The following INSYN2B variants were observed in gnomAD, a reference collection of about 807,000 sequenced individuals.
The protein encoded by INSYN2B is inhibitory synaptic factor family member 2B.
Under a neutral mutation model 41.2 loss-of-function variants are expected in INSYN2B, and 16 were observed. The ratio of observed to expected loss-of-function variants is 0.39; its 90% confidence interval spans 0.26 to 0.59. The LOEUF (loss-of-function observed/expected upper bound fraction) is 0.59, where lower values mean the gene tolerates loss of function less well. Ranked by LOEUF, INSYN2B falls within the 20% of genes least tolerant of loss-of-function variation. The probability of loss-of-function intolerance (pLI) is 0.57; values close to 1 mark genes in which losing one functional copy is unlikely to be tolerated. For synonymous variants in INSYN2B, 245 were observed against 244.4 expected (o/e 1.00, Z -0.02); for missense variants, 608 against 646.4 (o/e 0.94, Z 0.64).
chr5:169,953,381 C>A (rs1221828495), intron 1 of INSYN2B, among the ~76,000 whole-genome samples: 2 of 150,358 alleles, frequency 1.3e-5, no homozygotes, highest in Admixed American at 6.6e-5. Context: ...TAGAATAAGA[C>A]TGGAGTGTGA....
At chr5:169,906,241 C>T (rs1242773191) in intron 1 of INSYN2B, among the ~76,000 whole-genome samples, 4 of 152,124 alleles carry the variant, frequency 2.6e-5, no homozygotes, top group Non-Finnish European at 5.9e-5. Flanking sequence ...GCTTTACTGT[C>T]AGCTAAGAGA....
intron 1 of INSYN2B, among the ~76,000 whole-genome samples, chr5:169,902,033 A>G (rs1262438247): frequency 2.0e-5 from 3 of 152,186 alleles, no homozygotes; most frequent in Non-Finnish European, 4.4e-5. Flanking sequence ...CAATCAGTCA[A>G]ACGGTTTGTT....
chr5:169,933,733 C>T (rs987209051), intron 1 of INSYN2B, among the ~76,000 whole-genome samples: 2 of 152,156 alleles, frequency 1.3e-5, no homozygotes, highest in Non-Finnish European at 2.9e-5. Context: ...GTCAGACACC[C>T]ACTTCTCAGA....
At chr5:169,904,972 C>G (rs1774191305) in intron 1 of INSYN2B, among the ~76,000 whole-genome samples, 1 of 152,112 alleles carries the variant, frequency 6.6e-6, no homozygotes, top group South Asian at 2.1e-4. Flanking sequence ...AGCTGTGTGA[C>G]CTTGACTAAG....
intron 3 of INSYN2B, among the ~76,000 whole-genome samples, chr5:169,880,087 A>G (rs926247099): frequency 1.3e-4 from 20 of 152,370 alleles, no homozygotes; most frequent in South Asian, 2.1e-4. Flanking sequence ...AAGAAGCAGC[A>G]AAAAGAGAGC....
At chr5:169,979,303 C>T in intron 1 of INSYN2B, among the ~76,000 whole-genome samples, 1 of 152,174 alleles carries the variant, frequency 6.6e-6, no homozygotes, top group African/African-American at 2.4e-5. Flanking sequence ...ATTCCCCCAC[C>T]CCTATTCCTA....
At chr5:169,879,339 G>C (rs990097240) in intron 3 of INSYN2B, among the ~76,000 whole-genome samples, 10 of 152,060 alleles carry the variant, frequency 6.6e-5, no homozygotes, top group African/African-American at 2.4e-4. Flanking sequence ...AGAACACAAC[G>C]CAAGTTTGAA....
At chr5:169,906,223 A>C (rs1774268106) in intron 1 of INSYN2B, among the ~76,000 whole-genome samples, 1 of 152,188 alleles carries the variant, frequency 6.6e-6, no homozygotes, top group South Asian at 2.1e-4. Context: ...TTCTGACGTC[A>C]AACGCAAGCT....
At chr5:169,967,255 C>A (rs1280273420) in intron 1 of INSYN2B, among the ~76,000 whole-genome samples, 1 of 152,152 alleles carries the variant, frequency 6.6e-6, no homozygotes, top group Non-Finnish European at 1.5e-5. Context: ...TGGAGAGAAT[C>A]CCAGAAGCCT....
chr5:169,880,241 G>A (rs1329331110), intron 3 of INSYN2B, among the ~76,000 whole-genome samples: 7 of 152,204 alleles, frequency 4.6e-5, no homozygotes. Flanking sequence ...AAAAACAGGT[G>A]GTTCCTCTTT....
chr5:169,889,602 G>C (rs963654971), intron 1 of INSYN2B, among the ~76,000 whole-genome samples: 5 of 152,336 alleles, frequency 3.3e-5, no homozygotes, highest in Middle Eastern at 3.4e-3. Context: ...CTGGGGTTCA[G>C]ACTATCCTTT....
chr5:169,961,334 A>G (rs574060147), intron 1 of INSYN2B, among the ~76,000 whole-genome samples: 12 of 152,354 alleles, frequency 7.9e-5, no homozygotes, highest in Non-Finnish European at 1.0e-4. Context: ...AGTGACTTGA[A>G]CTACACTGAA....
At chr5:169,957,770 G>T (rs1233165726) in intron 1 of INSYN2B, among the ~76,000 whole-genome samples, 4 of 152,182 alleles carry the variant, frequency 2.6e-5, no homozygotes, top group Non-Finnish European at 4.4e-5. Flanking sequence ...TCATGACCCT[G>T]TTAGCCCAAA....
At chr5:169,904,383 CT>C (rs1382401326) in intron 1 of INSYN2B, among the ~76,000 whole-genome samples, 19 of 152,188 alleles carry the variant, frequency 1.2e-4, no homozygotes, top group Non-Finnish European at 2.5e-4. Context: ...AACTTGTTCT[CT>C]CTAAATCACC....
At chr5:169,969,377 G>A (rs549215044) in intron 1 of INSYN2B, among the ~76,000 whole-genome samples, 7 of 151,900 alleles carry the variant, frequency 4.6e-5, no homozygotes, top group Non-Finnish European at 1.0e-4. Context: ...CTTGGGAGGT[G>A]GAAGTTGCAG....
At chr5:169,972,965 C>T (rs143426538) in intron 1 of INSYN2B, among the ~76,000 whole-genome samples, 2 of 152,242 alleles carry the variant, frequency 1.3e-5, no homozygotes, top group East Asian at 3.9e-4. Flanking sequence ...ACTAGCAGAT[C>T]TCTTGCAGCA....
intron 1 of INSYN2B, among the ~76,000 whole-genome samples, chr5:169,921,788 T>G (rs978913): frequency 0.34 from 51,093 of 152,062 alleles, 9,289 homozygotes; most frequent in South Asian, 0.4. Flanking sequence ...AGCAGTGTTG[T>G]GACAGTCTTC....
At chr5:169,949,918 C>T (rs1191034414) in intron 1 of INSYN2B, among the ~76,000 whole-genome samples, 2 of 152,034 alleles carry the variant, frequency 1.3e-5, no homozygotes, top group African/African-American at 2.4e-5. Context: ...TCTTCTTTCT[C>T]GATTTTCTTT....
chr5:169,870,451 TGG>T (rs1771881915), intron 3 of INSYN2B, among the ~76,000 whole-genome samples: 1 of 152,178 alleles, frequency 6.6e-6, no homozygotes, highest in South Asian at 2.1e-4. Flanking sequence ...GGATCTTGGC[TGG>T]GTAAACTGAA....
Sources: gnomAD v4.1 joint callset for allele counts (sites outside exome capture counted in the v4.1 genomes callset) on GRCh38, gnomAD v4.1.1 for gene constraint, MANE v1.5 for transcripts, NCBI Gene and HGNC (gene_info 2026-07-23, HGNC 2026-07-21) for gene names.